SLC8A1: variants seen among roughly 807,000 people sequenced by gnomAD.
SLC8A1 encodes the protein solute carrier family 8 member A1, also known as sodium/calcium exchanger 1.
A neutral mutation model predicts 68.3 loss-of-function variants in SLC8A1; 18 were observed. The observed-to-expected ratio is 0.26, with a 90% CI of 0.18 to 0.39. The LOEUF is 0.39. Among genes scored for constraint, SLC8A1 ranks in the 10% least tolerant of loss-of-function variants. The pLI is 1.00. For missense variants in SLC8A1, 985 were observed against 1,156.7 expected (o/e 0.85, Z 2.15); for synonymous variants, 475 against 415.5 (o/e 1.14, Z -1.74).
At chr2:40,357,516 A>AAAC (rs1274042208) in intron 2 of SLC8A1, among the ~76,000 whole-genome samples, 3 of 151,516 alleles carry the variant, frequency 2.0e-5, no homozygotes, top group Non-Finnish European at 2.9e-5. Context: ...AAAAAAAAAA[A>AAAC]ACACAAGATG....
At chr2:40,395,460 T>C (rs1686621049) in intron 2 of SLC8A1, among the ~76,000 whole-genome samples, 1 of 152,110 alleles carries the variant, frequency 6.6e-6, no homozygotes, top group South Asian at 2.1e-4. Context: ...GACCACCAGA[T>C]TCTTCCTAAT....
At chr2:40,269,109 G>C (rs956615109) in intron 2 of SLC8A1, among the ~76,000 whole-genome samples, 1 of 152,188 alleles carries the variant, frequency 6.6e-6, no homozygotes, top group African/African-American at 2.4e-5. Context: ...AAAGTAGTGA[G>C]TGTTCATAAG....
chr2:40,482,948 G>A (rs1704733229), intron 1 of SLC8A1, among the ~76,000 whole-genome samples: 1 of 147,462 alleles, frequency 6.8e-6, no homozygotes, highest in South Asian at 2.1e-4. Context: ...CCGCCACCAC[G>A]CCCGGCTTTT....
intron 5 of SLC8A1, among the ~76,000 whole-genome samples, chr2:40,161,150 C>G (rs1465255137): frequency 6.6e-6 from 1 of 152,178 alleles, no homozygotes; most frequent in Admixed American, 6.5e-5. Flanking sequence ...AAAGCCCATC[C>G]ATCCCCCTGA....
intron 2 of SLC8A1, among the ~76,000 whole-genome samples, chr2:40,275,314 G>A (rs1258649191): frequency 6.6e-6 from 1 of 152,218 alleles, no homozygotes; most frequent in Admixed American, 6.5e-5. Context: ...TCTGACCAAA[G>A]GAGAGAACTT....
chr2:40,457,494 A>G (rs529752112), intron 1 of SLC8A1, among the ~76,000 whole-genome samples: 22 of 152,344 alleles, frequency 1.4e-4, no homozygotes, highest in Admixed American at 5.9e-4. Context: ...GCCCTTGAAG[A>G]TGAAACCTAA....
At chr2:40,434,003 A>G (rs138209085) in intron 1 of SLC8A1, among the ~76,000 whole-genome samples, 5 of 152,258 alleles carry the variant, frequency 3.3e-5, no homozygotes, top group African/African-American at 7.2e-5. Flanking sequence ...CTGCCCTTCA[A>G]TCTGGTCTTT....
chr2:40,371,116 G>A (rs78741348), intron 2 of SLC8A1, among the ~76,000 whole-genome samples: 1,829 of 152,162 alleles, frequency 0.012, 27 homozygotes, highest in African/African-American at 0.041. Context: ...AAGGTTCAAG[G>A]ATTTCTTAGT....
At chr2:40,184,031 G>C (rs1171614762) in intron 2 of SLC8A1, among the ~76,000 whole-genome samples, 1 of 151,946 alleles carries the variant, frequency 6.6e-6, no homozygotes, top group African/African-American at 2.4e-5. Flanking sequence ...AAAAAAACCA[G>C]ATGGGTGTGG....
exon 8 of SLC8A1, chr2:40,108,312 C>A (rs1403407950): frequency 1.3e-5 from 2 of 152,136 alleles, no homozygotes; most frequent in South Asian, 2.1e-4. Context: ...GTTGCCAAAG[C>A]CAAAAAGTAT....
At chr2:40,243,725 G>C (rs1003460203) in intron 2 of SLC8A1, among the ~76,000 whole-genome samples, 11 of 152,118 alleles carry the variant, frequency 7.2e-5, no homozygotes, top group African/African-American at 2.2e-4. Flanking sequence ...GGATTGGTCC[G>C]TGCACTTGAA....
chr2:40,115,173 G>A (rs902693917), exon 8 of SLC8A1: 2 of 1,034,256 alleles, frequency 1.9e-6, no homozygotes, highest in East Asian at 3.0e-5. Flanking sequence ...CATGACAAAT[G>A]TCAGTTTCCT....
exon 8 of SLC8A1, chr2:40,105,683 C>T (rs1229213716): frequency 3.9e-5 from 6 of 152,122 alleles, no homozygotes; most frequent in Non-Finnish European, 5.9e-5. Context: ...GCAACAAGCA[C>T]GTGATTGAGC....
intron 2 of SLC8A1, among the ~76,000 whole-genome samples, chr2:40,260,176 C>A (rs2064502763): frequency 6.6e-6 from 1 of 151,888 alleles, no homozygotes; most frequent in South Asian, 2.1e-4. Context: ...CTCCTTTTTT[C>A]TCTCTCTTTC....
intron 2 of SLC8A1, among the ~76,000 whole-genome samples, chr2:40,386,622 A>C (rs575555478): frequency 5.9e-4 from 53 of 89,136 alleles, no homozygotes; most frequent in Admixed American, 2.0e-3. Context: ...TTTAAAAATC[A>C]AAAAAAAAAA....
intron 1 of SLC8A1, among the ~76,000 whole-genome samples, chr2:40,499,819 G>T (rs1297482603): frequency 6.6e-6 from 1 of 152,012 alleles, no homozygotes; most frequent in African/African-American, 2.4e-5. Context: ...TGTTTTTCTG[G>T]AACACAGTCT....
At chr2:40,252,831 CATGTGTATACATATATGTATATAT>C (rs1389138605) in intron 2 of SLC8A1, among the ~76,000 whole-genome samples, 2 of 138,974 alleles carry the variant, frequency 1.4e-5, no homozygotes, top group Admixed American at 7.5e-5. Context: ...TATGTATATA[CATGTGTATACATATATGTATATAT>C]ACACATTTGA....
intron 2 of SLC8A1, among the ~76,000 whole-genome samples, chr2:40,231,229 A>G (rs1463335802): frequency 1.3e-5 from 2 of 152,196 alleles, no homozygotes; most frequent in African/African-American, 4.8e-5. Context: ...ACATGTACAG[A>G]ACTACAATGG....
At chr2:40,258,934 A>T (rs527636944) in intron 2 of SLC8A1, among the ~76,000 whole-genome samples, 1 of 152,200 alleles carries the variant, frequency 6.6e-6, no homozygotes, top group South Asian at 2.1e-4. Flanking sequence ...AGAAAATAAA[A>T]AAAAAAAAAG....
Sources: gnomAD v4.1 joint callset for allele counts (sites outside exome capture counted in the v4.1 genomes callset) on GRCh38, gnomAD v4.1.1 for gene constraint, MANE v1.5 for transcripts, NCBI Gene and HGNC (gene_info 2026-07-23, HGNC 2026-07-21) for gene names.